The following KALRN variants were observed in gnomAD, a reference collection of about 807,000 sequenced individuals.
The protein encoded by KALRN is kalirin RhoGEF kinase.
In KALRN, 70 loss-of-function variants were observed where a neutral mutation model predicts 353.7. The observed-to-expected ratio is 0.20, with a 90% CI of 0.16 to 0.24. The LOEUF (loss-of-function observed/expected upper bound fraction) is 0.24. Among genes scored for constraint, KALRN ranks in the 10% least tolerant of loss-of-function variants. The pLI, the probability that KALRN is intolerant of heterozygous loss-of-function variation, is 1.00. For missense variants in KALRN, 2,791 were observed against 3,756.7 expected (o/e 0.74, Z 6.72); for synonymous variants, 1,391 against 1,434.8 (o/e 0.97, Z 0.69).
At chr3:124,123,555 A>G (rs2064287398) in intron 1 of KALRN, among the ~76,000 whole-genome samples, 1 of 152,234 alleles carries the variant, frequency 6.6e-6, no homozygotes, top group Non-Finnish European at 1.5e-5. Flanking sequence ...AAAATGCAAG[A>G]TGAAGCAGCA....
At chr3:124,469,911 C>A (rs1463365552) in intron 25 of KALRN, among the ~76,000 whole-genome samples, 1 of 152,162 alleles carries the variant, frequency 6.6e-6, no homozygotes, top group Non-Finnish European at 1.5e-5. Context: ...AGATTTTAGA[C>A]CAAATTCATC....
chr3:124,265,298 C>CTTTTTTTTGTTTTTTTTTTT (rs2073377146), intron 4 of KALRN, among the ~76,000 whole-genome samples: 1 of 73,124 alleles, frequency 1.4e-5, no homozygotes, highest in Non-Finnish European at 2.7e-5. Context: ...AGAAAATATT[C>CTTTTTTTTGTTTTTTTTTTT]TTTTTTTTTT....
At chr3:124,370,222 T>G (rs2085647967) in intron 10 of KALRN, among the ~76,000 whole-genome samples, 1 of 152,050 alleles carries the variant, frequency 6.6e-6, no homozygotes, top group African/African-American at 2.4e-5. Context: ...TGGATGCCCT[T>G]TAAGATTTTT....
At chr3:124,711,794 A>G (rs2062899921) in intron 57 of KALRN, among the ~76,000 whole-genome samples, 1 of 152,206 alleles carries the variant, frequency 6.6e-6, no homozygotes, top group Non-Finnish European at 1.5e-5. Context: ...TCCAGGGTGG[A>G]AAAAAGCAGG....
At position 124,701,216 on chromosome 3, in the gene KALRN, G is replaced by A. The variant is rs555853160; in HGVS notation, c.7997-822G>A. ...TCTGTGTGCGTGTGTGTGTGCACGC[G>A]TGCGTGAATCATTGCCAAGGAATTG... On this transcript the variant is annotated intron_variant, in intron 56 of 59. Coordinates refer to ENST00000682506, the MANE Select transcript of KALRN (RefSeq NM_001388419.1). Among the ~76,000 whole-genome samples, 404 of 152,302 alleles carry A rather than the reference G, an allele frequency of 2.7e-3. 3 individuals are homozygous for A. The highest frequency in any genetic ancestry group is 9.5e-3 in the African/African-American group (393 of 41,562).
chr3:124,143,202 C>T (rs2066852346), intron 1 of KALRN, among the ~76,000 whole-genome samples: 1 of 152,128 alleles, frequency 6.6e-6, no homozygotes, highest in African/African-American at 2.4e-5. Flanking sequence ...GGGTGCCTCC[C>T]CTCCTTTCTT....
chr3:124,601,560 T>C (rs1395453728), intron 34 of KALRN, among the ~76,000 whole-genome samples: 1 of 152,244 alleles, frequency 6.6e-6, no homozygotes, highest in Admixed American at 6.5e-5. Context: ...CCTCCCAGTG[T>C]GTTGGATTCT....
chr3:124,691,483 T>C (rs1252523502), intron 51 of KALRN, among the ~76,000 whole-genome samples: 1 of 152,144 alleles, frequency 6.6e-6, no homozygotes, highest in Non-Finnish European at 1.5e-5. Flanking sequence ...TGCAGAATAT[T>C]TGGGAAGCCC....
At chr3:124,511,776 T>C (rs923094394) in intron 33 of KALRN, among the ~76,000 whole-genome samples, 1 of 152,216 alleles carries the variant, frequency 6.6e-6, no homozygotes, top group African/African-American at 2.4e-5. Flanking sequence ...CATCACTGTG[T>C]CTCCAAAATT....
intron 33 of KALRN, among the ~76,000 whole-genome samples, chr3:124,529,484 G>A (rs1163203447): frequency 6.6e-6 from 1 of 152,054 alleles, no homozygotes; most frequent in Admixed American, 6.5e-5. Context: ...ATCCAGAATC[G>A]AGGGCCAGGG....
intron 1 of KALRN, among the ~76,000 whole-genome samples, chr3:124,208,267 C>G (rs928224883): frequency 3.3e-5 from 5 of 152,310 alleles, no homozygotes; most frequent in African/African-American, 1.2e-4. Context: ...GGCACTCAGC[C>G]TCTAATGGCT....
intron 33 of KALRN, among the ~76,000 whole-genome samples, chr3:124,526,784 A>G (rs547924616): frequency 3.3e-5 from 5 of 152,276 alleles, no homozygotes; most frequent in Admixed American, 6.5e-5. Context: ...AGAAATGGCT[A>G]ATACCTCCCC....
chr3:124,437,634 G>A (rs1190072003), intron 17 of KALRN, among the ~76,000 whole-genome samples: 1 of 129,948 alleles, frequency 7.7e-6, no homozygotes, highest in African/African-American at 2.9e-5. Flanking sequence ...AGGTTGCATT[G>A]AGCCAAGATT....
intron 29 of KALRN, among the ~76,000 whole-genome samples, chr3:124,489,034 T>C (rs1460539433): frequency 1.3e-5 from 2 of 152,194 alleles, no homozygotes; most frequent in African/African-American, 4.8e-5. Context: ...GGGTGGAATT[T>C]GTTAGATGAG....
intron 15 of KALRN, among the ~76,000 whole-genome samples, chr3:124,425,990 C>T (rs1037183500): frequency 7.9e-5 from 12 of 152,112 alleles, no homozygotes; most frequent in South Asian, 2.1e-4. Flanking sequence ...AATGACACAC[C>T]GTGGGACTGT....
chr3:124,316,408 G>A (rs1448985995), intron 6 of KALRN, among the ~76,000 whole-genome samples: 1 of 152,192 alleles, frequency 6.6e-6, no homozygotes, highest in Non-Finnish European at 1.5e-5. Flanking sequence ...GAAAGCCGAA[G>A]TCCCTTACCA....
chr3:124,111,898 A>G lies in KALRN; in HGVS notation c.73+78085A>G, dbSNP rs76080595. On this transcript the variant is annotated intron_variant, in intron 1 of 59. Transcript: ENST00000682506. Reference sequence around the variant, plus strand: ...AATTACTTCTATAAATGCATATTGTACAAAATAGGAATAGATCTGATGCAG... The same window carrying G: ...AATTACTTCTATAAATGCATATTGTGCAAAATAGGAATAGATCTGATGCAG... Among the ~76,000 whole-genome samples the G allele has an allele frequency of 5.1e-3, 771 of 152,320 alleles. 36 individuals carry two copies. In the East Asian group the frequency reaches 0.12, roughly 23 times the overall value.
intron 47 of KALRN, among the ~76,000 whole-genome samples, chr3:124,670,587 C>A (rs1441300751): frequency 3.3e-5 from 5 of 152,166 alleles, no homozygotes; most frequent in African/African-American, 1.2e-4. Context: ...TATGTTGAGT[C>A]CTGTTGAGGT....
chr3:124,508,339 T>C (rs2065461363), intron 33 of KALRN, among the ~76,000 whole-genome samples: 1 of 152,206 alleles, frequency 6.6e-6, no homozygotes, highest in Admixed American at 6.5e-5. Context: ...AATAGTGTCT[T>C]TACTTTTTTT....
Sources: allele counts gnomAD v4.1 joint callset (sites outside exome capture counted in the v4.1 genomes callset), GRCh38; gene constraint gnomAD v4.1.1; transcripts MANE v1.5; gene names NCBI Gene and HGNC (gene_info 2026-07-23, HGNC 2026-07-21).